PEBP1: variants seen among roughly 807,000 people sequenced by gnomAD.
PEBP1 encodes phosphatidylethanolamine-binding protein 1.
In PEBP1, 17 loss-of-function variants were observed where a neutral mutation model predicts 22.7. The ratio of observed to expected loss-of-function variants is 0.75; its 90% confidence interval spans 0.51 to 1.12. PEBP1 has a LOEUF of 1.12. PEBP1 is among the 50% of genes most tolerant of loss of function. The pLI is 0.00. For missense variants in PEBP1, 205 were observed against 243.5 expected, an observed-to-expected ratio of 0.84 and a Z score of 1.05; for synonymous variants, 106 against 104.3, an observed-to-expected ratio of 1.02 and a Z score of -0.10.
chr12:118,145,049 G>A lies in PEBP1; in HGVS notation c.*246G>A. On this transcript the variant is annotated 3_prime_UTR_variant, in exon 4 of 4. Transcript: ENST00000261313. ...GGGGGGTATTTTGGTACTGTGATGG[G>A]GTCATCAAATTATTAATCTGAAAAT... 1 of 1,432,384 alleles carries A rather than the reference G, an allele frequency of 7.0e-7. No individual in the cohort carries two copies. Among genetic ancestry groups the A allele is most frequent in the South Asian group, 1.2e-5 (1 of 81,640 alleles). The allele number at this position is 1,432,384 out of a possible 1,614,324, so 88.7% of individuals were successfully genotyped here. A position where few individuals can be genotyped will look rare whatever the true frequency, so the allele number is the denominator to read the frequency against.
intron 3 of PEBP1, among the ~76,000 whole-genome samples, chr12:118,144,334 T>G (rs2034138038): frequency 6.6e-6 from 1 of 152,174 alleles, no homozygotes; most frequent in African/African-American, 2.4e-5. Flanking sequence ...GGGCTTGGGC[T>G]TGACACCAGT....
In PEBP1 at chr12:118,137,124, C is replaced by CT. The variant is rs140672171; in HGVS notation, c.135+783dup. ...CCCTGCCCGCCTCTCATCACCTTGG[C>CT]TTTCTCCTTTTCTTTGCACTTTGAA... On this transcript the variant is annotated intron_variant, in intron 1 of 3. Coordinates refer to ENST00000261313, the MANE Select transcript of PEBP1 (RefSeq NM_002567.4). Among the ~76,000 whole-genome samples, 36 of 152,304 alleles carry CT rather than the reference C, an allele frequency of 2.4e-4. No homozygotes were observed. The East Asian group carries it at 6.4e-3, about 27-fold the overall frequency.
chr12:118,138,789 A>C (rs950575916), intron 2 of PEBP1, among the ~76,000 whole-genome samples: 11 of 152,178 alleles, frequency 7.2e-5, no homozygotes, highest in African/African-American at 2.7e-4. Flanking sequence ...GTCAGTGTCC[A>C]TCAGTTAACG....
chr12:118,142,969 C>G (rs150781358), intron 3 of PEBP1, among the ~76,000 whole-genome samples: 1 of 150,966 alleles, frequency 6.6e-6, no homozygotes, highest in African/African-American at 2.4e-5. Context: ...CTCAGGCTCC[C>G]GAGAAGCTGG....
rs1353282616 is a variant in PEBP1 at position 118,145,114 on chromosome 12, A to C, written c.*311A>C. The C allele has an allele frequency of 2.8e-6, 2 of 718,542 alleles. No homozygotes were observed. The highest frequency in any genetic ancestry group is 4.3e-6 in the Non-Finnish European group (2 of 468,678). The allele number at this position is 718,542 out of a possible 1,614,324, so 44.5% of individuals were successfully genotyped here. On this transcript the variant is annotated 3_prime_UTR_variant, in exon 4 of 4. Transcript: ENST00000261313. Reference sequence around the variant, plus strand: ...TAAAAAAGAAAAAACTGGGGGGAAAAAGACCAGGTCTACAGTGATAGAGCA... The same window carrying C: ...TAAAAAAGAAAAAACTGGGGGGAAACAGACCAGGTCTACAGTGATAGAGCA...
rs565398117 is a variant in PEBP1, at chr12:118,136,881, T to C, written c.135+537T>C. Reference sequence around the variant, plus strand: ...CAGCCGGTACGCTGGAGGGCAACGGTTTAGTTTTGGTCTTTGACCTCCCAC... The same window carrying C: ...CAGCCGGTACGCTGGAGGGCAACGGCTTAGTTTTGGTCTTTGACCTCCCAC... On this transcript the variant is annotated intron_variant, in intron 1 of 3. Coordinates refer to ENST00000261313, the MANE Select transcript of PEBP1 (RefSeq NM_002567.4). This position sits in a 1 kb window ranked among gnomAD's most constrained non-coding sequence, Gnocchi z 5.6. 4.6e-5 allele frequency among the ~76,000 whole-genome samples: 7 copies of C among 152,234 alleles called. No individual in the cohort carries two copies. The East Asian group carries it at 9.7e-4, about 21-fold the overall frequency.
At chr12:118,140,682 G>A (rs1423873254) in intron 3 of PEBP1, among the ~76,000 whole-genome samples, 1 of 152,046 alleles carries the variant, frequency 6.6e-6, no homozygotes, top group African/African-American at 2.4e-5. Flanking sequence ...GGGACTACAG[G>A]TGTCCGCCAC....
Position 118,138,165 on chromosome 12 carries a change from A to G in PEBP1, c.245+17A>G. ...CAAATACAGGTGAGAGGTGAGAAAG[A>G]CGAGAAGAGCAGGTCATGCAGAGAT... On this transcript the variant is annotated intron_variant, in intron 2 of 3. Transcript: ENST00000261313. 6.6e-7 allele frequency: 1 copy of G among 1,521,448 alleles called. No homozygotes were observed. The highest frequency in any genetic ancestry group is 9.1e-7 in the Non-Finnish European group (1 of 1,097,062). The allele number at this position is 1,521,448 out of a possible 1,614,324, so 94.2% of individuals were successfully genotyped here.
chr12:118,144,095 G>C (rs937739828), intron 3 of PEBP1, among the ~76,000 whole-genome samples: 1 of 152,102 alleles, frequency 6.6e-6, no homozygotes, highest in African/African-American at 2.4e-5. Context: ...TTATCCTAGA[G>C]GCTCGACTGT....
At position 118,142,624 on chromosome 12, in the gene PEBP1, G is replaced by A. The variant is rs184790638; in HGVS notation, c.347-1962G>A. ...CCTGGGTAGCTAGGATTACAGACACGTGCCACCATGTCTGGCTAATTTTTA... is the reference window on the plus strand; with the variant it reads ...CCTGGGTAGCTAGGATTACAGACACATGCCACCATGTCTGGCTAATTTTTA... On this transcript the variant is annotated intron_variant, in intron 3 of 3. Transcript: ENST00000261313. 9.9e-5 allele frequency among the ~76,000 whole-genome samples: 15 copies of A among 151,930 alleles called. 1 individual carries two copies. Among genetic ancestry groups the A allele is most frequent in the African/African-American group, 3.4e-4 (14 of 41,448 alleles).
chr12:118,144,831 C>T lies in PEBP1; in HGVS notation c.*28C>T. 1.9e-6 allele frequency: 3 copies of T among 1,613,208 alleles called. No individual in the cohort carries two copies. Among genetic ancestry groups the T allele is most frequent in the Non-Finnish European group, 2.5e-6 (3 of 1,179,978 alleles). ...GGTTAGCTTGGGGACCTGAACTGTC[C>T]TGGAGGCCCCAAGCCATGTTCCCCA... On this transcript the variant is annotated 3_prime_UTR_variant, in exon 4 of 4. Transcript: ENST00000261313.
chr12:118,136,718 A>G lies in PEBP1; in HGVS notation c.135+374A>G, dbSNP rs985416888. ...AGGCTGTGGCTGCCCGGACGCCCCC[A>G]GAGCTTCCCCTAGGGCCTCAGCATT... On this transcript the variant is annotated intron_variant, in intron 1 of 3. Transcript: ENST00000261313. The surrounding 1 kb of genome is among the most constrained non-coding windows in gnomAD (Gnocchi z 5.6). Among the ~76,000 whole-genome samples the G allele has an allele frequency of 1.7e-4, 26 of 152,332 alleles. No individual in the cohort carries two copies. Among genetic ancestry groups the G allele is most frequent in the African/African-American group, 6.0e-4 (25 of 41,582 alleles).
chr12:118,142,949 A>G (rs529712972), intron 3 of PEBP1, among the ~76,000 whole-genome samples: 22 of 147,274 alleles, frequency 1.5e-4, no homozygotes, highest in African/African-American at 4.6e-4. Flanking sequence ...GGCTCAAGCA[A>G]CCCTCCTACC....
At chr12:118,137,445 G>C (rs1013336060) in intron 1 of PEBP1, among the ~76,000 whole-genome samples, 7 of 152,136 alleles carry the variant, frequency 4.6e-5, no homozygotes, top group Non-Finnish European at 4.4e-5. Flanking sequence ...CAGCTGCTCA[G>C]GAGGCTGAGG....
chr12:118,144,891 TC>T lies in PEBP1; in HGVS notation c.*90del. The T allele has an allele frequency of 4.4e-6, 7 of 1,594,900 alleles. No homozygotes were observed. The South Asian group carries it at 7.8e-5, about 18-fold the overall frequency. ...TGCATGTATAATAGATTTCTCCTCT[TC>T]CTGCCCCCCTTGGCATGGGTGAGAC... On this transcript the variant is annotated 3_prime_UTR_variant, in exon 4 of 4. Coordinates refer to ENST00000261313, the MANE Select transcript of PEBP1 (RefSeq NM_002567.4).
intron 3 of PEBP1, 74 bp downstream of exon 3, chr12:118,139,625 TC>T (rs1008526202): frequency 7.8e-6 from 7 of 902,562 alleles, no homozygotes; most frequent in Non-Finnish European, 1.2e-5. Flanking sequence ...CCAATGCTTT[TC>T]TTTTGAGAGC....
At chr12:118,137,443 C>T (rs1213058025) in intron 1 of PEBP1, among the ~76,000 whole-genome samples, 1 of 152,084 alleles carries the variant, frequency 6.6e-6, no homozygotes, top group African/African-American at 2.4e-5. Flanking sequence ...CCCAGCTGCT[C>T]AGGAGGCTGA....
chr12:118,142,219 G>C (rs1311770576), intron 3 of PEBP1, among the ~76,000 whole-genome samples: 1 of 141,344 alleles, frequency 7.1e-6, no homozygotes, highest in Non-Finnish European at 1.5e-5. Context: ...TTGAGACAGA[G>C]TCTTGCTCTG....
chr12:118,141,866 C>G (rs1315115150), intron 3 of PEBP1, among the ~76,000 whole-genome samples: 1 of 152,170 alleles, frequency 6.6e-6, no homozygotes, highest in African/African-American at 2.4e-5. Context: ...CAGTAATATT[C>G]CCGTTGGTGA....
Sources: gnomAD v4.1 joint callset for allele counts (sites outside exome capture counted in the v4.1 genomes callset) on GRCh38, gnomAD v4.1.1 for gene constraint, Gnocchi (gnomAD v3.1) non-coding constraint, MANE v1.5 for transcripts, NCBI Gene and HGNC (gene_info 2026-07-23, HGNC 2026-07-21) for gene names.